The following ATP2C1 variants were observed in gnomAD, a reference collection of about 807,000 sequenced individuals.
ATP2C1 encodes ATPase secretory pathway Ca2+ transporting 1, also known as calcium-transporting ATPase type 2C member 1.
A neutral mutation model predicts 120.5 loss-of-function variants in ATP2C1; 31 were observed. The ratio of observed to expected loss-of-function variants is 0.26; its 90% CI spans 0.19 to 0.35. The LOEUF is 0.35. Among genes scored for constraint, ATP2C1 ranks in the 10% least tolerant of loss-of-function variants. The probability of loss-of-function intolerance (pLI) is 1.00; values close to 1 mark genes in which losing one functional copy is unlikely to be tolerated. For missense variants in ATP2C1, 731 were observed against 1,107.5 expected (o/e 0.66, Z 4.83); for synonymous variants, 351 against 358.7 (o/e 0.98, Z 0.24).
intron 2 of ATP2C1, among the ~76,000 whole-genome samples, chr3:130,924,147 G>GT (rs34642144): frequency 7.7e-4 from 112 of 145,906 alleles, no homozygotes; most frequent in African/African-American, 1.5e-3. Context: ...TTTTGTTTTT[G>GT]TTTTTTTTTT....
chr3:130,900,418 A>G (rs1165003822), intron 2 of ATP2C1, among the ~76,000 whole-genome samples: 1 of 152,114 alleles, frequency 6.6e-6, no homozygotes, highest in Non-Finnish European at 1.5e-5. Flanking sequence ...GCATCCTTAT[A>G]GAAATTACTT....
chr3:130,981,677 CA>C (rs1258060907), intron 20 of ATP2C1, among the ~76,000 whole-genome samples: 6 of 152,282 alleles, frequency 3.9e-5, no homozygotes, highest in Admixed American at 6.5e-5. Flanking sequence ...ACCCCACCAG[CA>C]GTGCCTGGAA....
chr3:130,939,803 G>C (rs998653800), intron 6 of ATP2C1, among the ~76,000 whole-genome samples: 1 of 152,154 alleles, frequency 6.6e-6, no homozygotes, highest in African/African-American at 2.4e-5. Context: ...TGAAGTTTGT[G>C]ATGGATAGGA....
At chr3:130,939,671 G>C (rs1410135073) in intron 6 of ATP2C1, among the ~76,000 whole-genome samples, 4 of 152,146 alleles carry the variant, frequency 2.6e-5, no homozygotes, top group Admixed American at 2.0e-4. Flanking sequence ...TATCCTTCAT[G>C]TGTTTGGGGT....
At chr3:130,969,461 G>A (rs1023550948) in intron 17 of ATP2C1, 65 bp downstream of exon 17, 8 of 1,278,808 alleles carry the variant, frequency 6.3e-6, no homozygotes, top group South Asian at 3.7e-5. Context: ...TTCATTTACT[G>A]TCCACCTTTG....
intron 9 of ATP2C1, among the ~76,000 whole-genome samples, chr3:130,954,696 AG>A (rs1165274490): frequency 6.6e-6 from 1 of 152,154 alleles, no homozygotes; most frequent in Non-Finnish European, 1.5e-5. Flanking sequence ...CATGTGGGCC[AG>A]GCTGATCTCG....
At chr3:130,926,350 TAAAAC>T (rs1321867721) in intron 2 of ATP2C1, among the ~76,000 whole-genome samples, 1 of 152,028 alleles carries the variant, frequency 6.6e-6, no homozygotes, top group Non-Finnish European at 1.5e-5. Flanking sequence ...ACGAGGCAAA[TAAAAC>T]AAACACAAAA....
chr3:130,995,625 G>T (rs1451092567), intron 22 of ATP2C1, among the ~76,000 whole-genome samples: 1 of 151,752 alleles, frequency 6.6e-6, no homozygotes, highest in Non-Finnish European at 1.5e-5. Context: ...TGTTGTATTA[G>T]TTGGAATTTT....
At chr3:130,976,669 C>G (rs2061539657) in intron 18 of ATP2C1, among the ~76,000 whole-genome samples, 1 of 152,104 alleles carries the variant, frequency 6.6e-6, no homozygotes, top group African/African-American at 2.4e-5. Flanking sequence ...TCCCAAAGGC[C>G]TGAATCTGGA....
At chr3:130,872,625 C>T (rs111388954) in intron 1 of ATP2C1, among the ~76,000 whole-genome samples, 4 of 151,574 alleles carry the variant, frequency 2.6e-5, no homozygotes, top group African/African-American at 9.7e-5. Flanking sequence ...TACTCTGTCA[C>T]CCAAGCTGGA....
intron 25 of ATP2C1, among the ~76,000 whole-genome samples, chr3:130,998,073 AATAC>A (rs1318588811): frequency 6.6e-6 from 1 of 152,160 alleles, no homozygotes; most frequent in Non-Finnish European, 1.5e-5. Flanking sequence ...TTTAATATCT[AATAC>A]ATAGTTCATG....
intron 2 of ATP2C1, among the ~76,000 whole-genome samples, chr3:130,908,284 G>A (rs2058233880): frequency 6.6e-6 from 1 of 152,044 alleles, no homozygotes; most frequent in Admixed American, 6.6e-5. Context: ...AGCAACATTT[G>A]TAATACCAAA....
At position 130,866,338 on chromosome 3, in the gene ATP2C1, G is replaced by A. The variant is rs146206118; in HGVS notation, c.108+15410G>A. On this transcript the variant is annotated intron_variant, in intron 1 of 26. Transcript: ENST00000504381. Reference sequence around the variant, plus strand: ...GTGTGTAATATACTTGAAATTTTTAGAGCCTCTGAAATGTTATCCAACTTA... The same window carrying A: ...GTGTGTAATATACTTGAAATTTTTAAAGCCTCTGAAATGTTATCCAACTTA... 3.0e-3 allele frequency among the ~76,000 whole-genome samples: 460 copies of A among 152,250 alleles called. 1 individual carries two copies. The highest frequency in any genetic ancestry group is 4.7e-3 in the Non-Finnish European group (317 of 68,016).
chr3:131,014,274 A>C lies in ATP2C1; in HGVS notation c.2630-1878A>C, dbSNP rs149138190. ...GGGGGCATATGACCTTGTGGCATTG[A>C]ATAGATATTCATAAAGTTGCTTAGC... On this transcript the variant is annotated intron_variant, in intron 26 of 26. Coordinates refer to the ATP2C1 transcript ENST00000328560. 368 of 1,614,056 alleles carry C rather than the reference A, an allele frequency of 2.3e-4. No individual in the cohort carries two copies. The African/African-American group carries it at 4.5e-3, about 20-fold the overall frequency.
chr3:130,994,674 G>A (rs2062520464), intron 22 of ATP2C1, among the ~76,000 whole-genome samples: 1 of 151,020 alleles, frequency 6.6e-6, no homozygotes, highest in Non-Finnish European at 1.5e-5. Flanking sequence ...TATTTTTTTG[G>A]TAGCTACCTG....
intron 20 of ATP2C1, among the ~76,000 whole-genome samples, chr3:130,987,470 A>G (rs542002807): frequency 6.6e-6 from 1 of 152,182 alleles, no homozygotes; most frequent in South Asian, 2.1e-4. Context: ...AGCTGGGACT[A>G]CTGGCATATG....
intron 8 of ATP2C1, 106 bp from the exon 9 acceptor site, chr3:130,953,715 A>G: frequency 8.7e-7 from 1 of 1,151,356 alleles, no homozygotes; most frequent in East Asian, 2.3e-5. Flanking sequence ...GATGTGGCTA[A>G]TCAATGGAAA....
At chr3:130,970,766 A>G (rs1391907820) in intron 17 of ATP2C1, among the ~76,000 whole-genome samples, 1 of 152,126 alleles carries the variant, frequency 6.6e-6, no homozygotes, top group Non-Finnish European at 1.5e-5. Flanking sequence ...GAGCAAACAC[A>G]TGATTTTTGC....
chr3:130,947,645 A>G (rs1441529359), intron 8 of ATP2C1, among the ~76,000 whole-genome samples: 2 of 152,194 alleles, frequency 1.3e-5, no homozygotes, highest in African/African-American at 2.4e-5. Flanking sequence ...TTTATATCAC[A>G]TAGTTGGTGA....
Sources: gnomAD v4.1 joint callset for allele counts (sites outside exome capture counted in the v4.1 genomes callset) on GRCh38, gnomAD v4.1.1 for gene constraint, MANE v1.5 for transcripts, NCBI Gene and HGNC (gene_info 2026-07-23, HGNC 2026-07-21) for gene names.